Variants in TNIK observed in about 807,000 individuals in gnomAD.
TNIK encodes the protein TRAF2 and NCK-interacting protein kinase.
A neutral mutation model predicts 191.3 loss-of-function variants in TNIK; 49 were observed. The observed-to-expected ratio is 0.26, with a 90% CI of 0.20 to 0.32. TNIK has a LOEUF of 0.32. TNIK is among the 10% of genes least tolerant of loss of function. The probability of loss-of-function intolerance (pLI) is 1.00; values close to 1 mark genes in which losing one functional copy is unlikely to be tolerated. For missense variants in TNIK, 1,155 were observed against 1,702.3 expected, an observed-to-expected ratio of 0.68 and a Z score of 5.66; for synonymous variants, 594 against 600.9, an observed-to-expected ratio of 0.99 and a Z score of 0.17.
At chr3:171,332,801 T>C (rs191459795) in intron 2 of TNIK, among the ~76,000 whole-genome samples, 1 of 152,310 alleles carries the variant, frequency 6.6e-6, no homozygotes, top group Admixed American at 6.5e-5. Context: ...AACTGAAGTG[T>C]TATATTTGGC....
chr3:171,290,210 C>T (rs1300373822), intron 2 of TNIK, among the ~76,000 whole-genome samples: 2 of 152,136 alleles, frequency 1.3e-5, no homozygotes, highest in Non-Finnish European at 2.9e-5. Context: ...TTCCCAGGTG[C>T]TCAAAAATAC....
intron 1 of TNIK, among the ~76,000 whole-genome samples, chr3:171,438,628 C>T (rs540105778): frequency 6.6e-6 from 1 of 152,268 alleles, no homozygotes; most frequent in Non-Finnish European, 1.5e-5. Context: ...AACAGAGATG[C>T]AGGTGATAAA....
At chr3:171,219,318 GTA>G (rs888648128) in intron 3 of TNIK, among the ~76,000 whole-genome samples, 1 of 143,354 alleles carries the variant, frequency 7.0e-6, no homozygotes, top group African/African-American at 2.6e-5. Context: ...ATAATGATGT[GTA>G]TATATATAAT....
At chr3:171,279,677 A>T (rs1249138994) in intron 2 of TNIK, among the ~76,000 whole-genome samples, 1 of 151,594 alleles carries the variant, frequency 6.6e-6, no homozygotes, top group Admixed American at 6.5e-5. Flanking sequence ...TTTTTTGACA[A>T]TAGCAATGAC....
At chr3:171,397,607 G>T (rs1345392231) in intron 1 of TNIK, among the ~76,000 whole-genome samples, 1 of 152,092 alleles carries the variant, frequency 6.6e-6, no homozygotes, top group Non-Finnish European at 1.5e-5. Context: ...ACACCTCTTT[G>T]TATTGACAAT....
chr3:171,071,895 T>C (rs1719231018), intron 28 of TNIK, among the ~76,000 whole-genome samples: 1 of 152,154 alleles, frequency 6.6e-6, no homozygotes, highest in Admixed American at 6.5e-5. Context: ...CCTTTTACTC[T>C]TTAGAAAGAT....
chr3:171,140,008 T>C (rs1274807783), intron 13 of TNIK, among the ~76,000 whole-genome samples: 1 of 152,206 alleles, frequency 6.6e-6, no homozygotes, highest in Non-Finnish European at 1.5e-5. Flanking sequence ...AATGTGATTC[T>C]AGCAAAGAGA....
intron 7 of TNIK, among the ~76,000 whole-genome samples, chr3:171,186,179 A>G (rs1737347492): frequency 6.6e-6 from 1 of 152,256 alleles, no homozygotes; most frequent in South Asian, 2.1e-4. Flanking sequence ...CATATTGTCA[A>G]GTTGTCCCCT....
chr3:171,324,523 C>T (rs1015032131), intron 2 of TNIK, among the ~76,000 whole-genome samples: 2 of 152,088 alleles, frequency 1.3e-5, no homozygotes, highest in Admixed American at 1.3e-4. Context: ...GCACTGGTTT[C>T]TCATTAGAAC....
At chr3:171,265,315 A>G (rs1748249192) in intron 2 of TNIK, among the ~76,000 whole-genome samples, 2 of 152,228 alleles carry the variant, frequency 1.3e-5, no homozygotes, top group South Asian at 4.1e-4. Flanking sequence ...GTGACTTAGG[A>G]CCAATTTGGA....
intron 22 of TNIK, among the ~76,000 whole-genome samples, chr3:171,100,030 G>A (rs566205298): frequency 7.2e-5 from 11 of 152,278 alleles, no homozygotes; most frequent in African/African-American, 2.6e-4. Context: ...ATCTCTTAAA[G>A]CCTTCAGCAG....
chr3:171,442,719 C>T (rs2108693883), intron 1 of TNIK, among the ~76,000 whole-genome samples: 1 of 152,170 alleles, frequency 6.6e-6, no homozygotes, highest in Admixed American at 6.5e-5. Flanking sequence ...GTTTAGGTAC[C>T]CAGCTGGTCA....
At chr3:171,343,281 ATG>A (rs879662425) in intron 2 of TNIK, among the ~76,000 whole-genome samples, 119 of 152,320 alleles carry the variant, frequency 7.8e-4, no homozygotes, top group Admixed American at 1.4e-3. Flanking sequence ...TTTTGATAGT[ATG>A]TTACTTCAAT....
At chr3:171,422,180 T>C (rs1426911263) in intron 1 of TNIK, among the ~76,000 whole-genome samples, 1 of 152,198 alleles carries the variant, frequency 6.6e-6, no homozygotes, top group African/African-American at 2.4e-5. Flanking sequence ...TAAAGTCAGT[T>C]TGACTAAACC....
At chr3:171,326,230 T>A (rs1755733122) in intron 2 of TNIK, among the ~76,000 whole-genome samples, 1 of 152,230 alleles carries the variant, frequency 6.6e-6, no homozygotes, top group Admixed American at 6.5e-5. Flanking sequence ...CCATTGGTTT[T>A]AAATGTTTTT....
chr3:171,236,306 T>TA (rs1159931717), intron 2 of TNIK, among the ~76,000 whole-genome samples: 3 of 152,092 alleles, frequency 2.0e-5, no homozygotes, highest in African/African-American at 7.2e-5. Flanking sequence ...GTCAGAAGCT[T>TA]AAGAAAAAAG....
rs544477735 is a variant in TNIK at position 171,436,382 on chromosome 3, T to C, written c.57+23625A>G. Reference sequence around the variant, plus strand: ...TTGAATGTATTGAACATTTATTGTGTATTTGCAACATGGCAGGCACTGTCA... The same window carrying C: ...TTGAATGTATTGAACATTTATTGTGCATTTGCAACATGGCAGGCACTGTCA... On this transcript the variant is annotated intron_variant, in intron 1 of 32. Coordinates refer to ENST00000436636, the MANE Select transcript of TNIK (RefSeq NM_015028.4). Among the ~76,000 whole-genome samples, 14 of 152,370 alleles carry C rather than the reference T, an allele frequency of 9.2e-5. No homozygotes were observed. The East Asian group carries it at 2.3e-3, about 25-fold the overall frequency.
At chr3:171,206,014 C>T (rs1740025061) in intron 4 of TNIK, among the ~76,000 whole-genome samples, 1 of 152,174 alleles carries the variant, frequency 6.6e-6, no homozygotes, top group Non-Finnish European at 1.5e-5. Context: ...TAGTCCATAA[C>T]ACATTGCAAC....
intron 1 of TNIK, among the ~76,000 whole-genome samples, chr3:171,402,013 G>A (rs11916954): frequency 0.45 from 67,687 of 152,042 alleles, 15,636 homozygotes; most frequent in Non-Finnish European, 0.49. Context: ...GGAAAAATTC[G>A]AAAGCTATGT....
Sources: gnomAD v4.1 joint callset for allele counts (sites outside exome capture counted in the v4.1 genomes callset) on GRCh38, gnomAD v4.1.1 for gene constraint, MANE v1.5 for transcripts, NCBI Gene and HGNC (gene_info 2026-07-23, HGNC 2026-07-21) for gene names.